GALNT1: variants seen among roughly 807,000 people sequenced by gnomAD.
GALNT1 encodes the protein polypeptide N-acetylgalactosaminyltransferase 1.
Under a neutral mutation model 65.7 loss-of-function variants are expected in GALNT1, and 17 were observed. The ratio of observed to expected loss-of-function variants is 0.26; its 90% confidence interval spans 0.18 to 0.39. The LOEUF (loss-of-function observed/expected upper bound fraction) is 0.39, where lower values mean the gene tolerates loss of function less well. Among genes scored for constraint, GALNT1 ranks in the 10% least tolerant of loss-of-function variants. The pLI is 1.00. For synonymous variants in GALNT1, 210 were observed against 219.7 expected, an observed-to-expected ratio of 0.96 and a Z score of 0.39; for missense variants, 460 against 672.8, an observed-to-expected ratio of 0.68 and a Z score of 3.50.
chr18:35,626,592 A>G (rs1273547933), intron 1 of GALNT1, among the ~76,000 whole-genome samples: 2 of 152,232 alleles, frequency 1.3e-5, no homozygotes, highest in East Asian at 3.8e-4. Flanking sequence ...CTGTAGTAGC[A>G]GAATACCCAG....
chr18:35,586,018 A>G (rs2143829356), intron 1 of GALNT1, among the ~76,000 whole-genome samples: 1 of 152,202 alleles, frequency 6.6e-6, no homozygotes, highest in South Asian at 2.1e-4. Context: ...TGGCAGTTGC[A>G]TGTTTAGTTT....
intron 1 of GALNT1, among the ~76,000 whole-genome samples, chr18:35,640,510 A>C (rs572801921): frequency 6.6e-6 from 1 of 152,246 alleles, no homozygotes; most frequent in Admixed American, 6.5e-5. Flanking sequence ...GAAAGATAGC[A>C]GATCTCTCCA....
Position 35,692,303 on chromosome 18 carries a change from T to C in GALNT1, c.1282T>C (p.Tyr428His). Residue 428 changes from tyrosine (Y) to histidine (H), a missense_variant, in exon 9 of 12, where the codon TAT (tyrosine) becomes CAT (histidine). Transcript: ENST00000269195. Reference sequence around the variant, plus strand: ...TCCTGATTCTCAAATTCCACGTCACTATTTCTCATTGGGAGAGGTAAGAAA... The same window carrying C: ...TCCTGATTCTCAAATTCCACGTCACCATTTCTCATTGGGAGAGGTAAGAAA... ...IYPDSQIPRH[Y>H]FSLGEIRNVE... is the part of the protein sequence containing the mutation. The C allele has an allele frequency of 1.3e-6, 2 of 1,577,738 alleles. No homozygotes were observed. The highest frequency in any genetic ancestry group is 1.1e-5 in the South Asian group (1 of 89,136).
chr18:35,627,002 A>G (rs2046927108), intron 1 of GALNT1, among the ~76,000 whole-genome samples: 1 of 152,234 alleles, frequency 6.6e-6, no homozygotes, highest in Non-Finnish European at 1.5e-5. Context: ...CCAGTCAGGA[A>G]TAGGTGGCCT....
rs77904205 is a variant in GALNT1, at chr18:35,664,950, G to C, written c.314+1148G>C. Reference sequence around the variant, plus strand: ...CTGATAGTATATGAATGAAAAGTATGTGCTGAATTTCCAACAAATTGCACT... The same window carrying C: ...CTGATAGTATATGAATGAAAAGTATCTGCTGAATTTCCAACAAATTGCACT... On this transcript the variant is annotated intron_variant, in intron 3 of 11. Coordinates refer to ENST00000269195, the MANE Select transcript of GALNT1 (RefSeq NM_020474.4). 2.7e-3 allele frequency among the ~76,000 whole-genome samples: 416 copies of C among 152,322 alleles called. 2 individuals carry two copies. The highest frequency in any genetic ancestry group is 4.3e-3 in the Non-Finnish European group (290 of 68,030).
Position 35,692,334 on chromosome 18 carries a change from A to G in GALNT1, c.1299+14A>G. The G allele has an allele frequency of 6.8e-7, 1 of 1,462,046 alleles. No homozygotes were observed. Among genetic ancestry groups the G allele is most frequent in the Non-Finnish European group, 9.3e-7 (1 of 1,077,938 alleles). 90.6% of individuals were successfully genotyped at this position (1,462,046 alleles called of 1,614,324 possible). ...TCATTGGGAGAGGTAAGAAATATAT[A>G]TATATATATTCTATGTGGTTATTAT... On this transcript the variant is annotated intron_variant, in intron 9 of 11. Coordinates refer to ENST00000269195, the MANE Select transcript of GALNT1 (RefSeq NM_020474.4).
intron 1 of GALNT1, among the ~76,000 whole-genome samples, chr18:35,619,451 T>G (rs2046824592): frequency 6.6e-6 from 1 of 152,082 alleles, no homozygotes; most frequent in Admixed American, 6.6e-5. Context: ...TCCTTTGAGA[T>G]TTTTTTTCTT....
chr18:35,695,096 A>G (rs1217790214), intron 9 of GALNT1, among the ~76,000 whole-genome samples: 2 of 152,224 alleles, frequency 1.3e-5, no homozygotes, highest in Admixed American at 6.5e-5. Flanking sequence ...TTGTTTCACA[A>G]CAGCCTGAAT....
At chr18:35,609,053 A>C (rs1375643183) in intron 1 of GALNT1, among the ~76,000 whole-genome samples, 8 of 152,224 alleles carry the variant, frequency 5.3e-5, no homozygotes. Context: ...TTCTCATTAC[A>C]AACCCAGTTT....
rs571271623 is a variant in GALNT1, at chr18:35,630,512, A to G, written c.-103-24048A>G. 3.6e-4 allele frequency among the ~76,000 whole-genome samples: 55 copies of G among 152,358 alleles called. 1 individual carries two copies. In the East Asian group the frequency reaches 8.5e-3, roughly 24 times the overall value. Reference sequence around the variant, plus strand: ...GATGTTCTTTGAAACCAGCAAGAACAAAGACACAACATACCAGAATCTCTG... The same window carrying G: ...GATGTTCTTTGAAACCAGCAAGAACGAAGACACAACATACCAGAATCTCTG... On this transcript the variant is annotated intron_variant, in intron 1 of 11. Transcript: ENST00000269195.
chr18:35,612,865 CAA>C (rs200935763), intron 1 of GALNT1, among the ~76,000 whole-genome samples: 14,361 of 138,870 alleles, frequency 0.1, 820 homozygotes, highest in African/African-American at 0.18. Context: ...AACTCTGTCT[CAA>C]AAAAAAAAAA....
Position 35,623,947 on chromosome 18 carries a change from G to A in GALNT1, c.-103-30613G>A, listed in dbSNP as rs192362890. Among the ~76,000 whole-genome samples, 161 of 152,018 alleles carry A rather than the reference G, an allele frequency of 1.1e-3. 1 individual carries two copies. Among genetic ancestry groups the A allele is most frequent in the African/African-American group, 3.7e-3 (155 of 41,458 alleles). On this transcript the variant is annotated intron_variant, in intron 1 of 11. Transcript: ENST00000269195. ...ACTTTTCTGTTTATTTTCATGTCTCGTAATTTTTTATTGTATACTGGATAT... is the reference window on the plus strand; with the variant it reads ...ACTTTTCTGTTTATTTTCATGTCTCATAATTTTTTATTGTATACTGGATAT...
chr18:35,643,066 G>A (rs1173396441), intron 1 of GALNT1, among the ~76,000 whole-genome samples: 2 of 152,128 alleles, frequency 1.3e-5, no homozygotes, highest in African/African-American at 4.8e-5. Context: ...ACTGTGGCCA[G>A]GCAACTGGAT....
In GALNT1 at chr18:35,687,173, A is replaced by G. The variant is rs748798401; in HGVS notation, c.847A>G (p.Thr283Ala). Reference sequence around the variant, plus strand: ...AATGGACAGAAGGAAAGGTGATCGGACTCTTCCTGTCAGGTAATTAATTTG... The same window carrying G: ...AATGGACAGAAGGAAAGGTGATCGGGCTCTTCCTGTCAGGTAATTAATTTG... ...REMDRRKGDR[T>A]LPVRTPTMAG... Residue 283 changes from threonine to alanine, a missense_variant, in exon 6 of 12, where the codon ACT becomes GCT. Transcript: ENST00000269195. 5 of 1,612,660 alleles carry G rather than the reference A, an allele frequency of 3.1e-6. No individual in the cohort carries two copies. The highest frequency in any genetic ancestry group is 1.7e-5 in the Admixed American group (1 of 59,792).
intron 4 of GALNT1, 51 bp downstream of exon 4, chr18:35,677,808 C>A: frequency 7.5e-7 from 1 of 1,334,144 alleles, no homozygotes; most frequent in Non-Finnish European, 1.0e-6. Flanking sequence ...TTGTCACTAA[C>A]GGTTAAAACT....
chr18:35,608,945 T>C (rs1320896625), intron 1 of GALNT1, among the ~76,000 whole-genome samples: 1 of 152,198 alleles, frequency 6.6e-6, no homozygotes, highest in Non-Finnish European at 1.5e-5. Flanking sequence ...TTCTTCCTTA[T>C]TAGTGAACAG....
At chr18:35,583,449 C>A (rs2046347048) in intron 1 of GALNT1, among the ~76,000 whole-genome samples, 1 of 152,186 alleles carries the variant, frequency 6.6e-6, no homozygotes, top group Non-Finnish European at 1.5e-5. Context: ...TATGCAAATA[C>A]TTGTTAAATG....
At position 35,593,061 on chromosome 18, in the gene GALNT1, G is replaced by C. The variant is rs1190631252; in HGVS notation, c.-104+11199G>C. ...GAGGAGTTGCAAGACGTGGGAGGCTGTGGGCAGGGTTCCACGGGAGAAGGA... is the reference window on the plus strand; with the variant it reads ...GAGGAGTTGCAAGACGTGGGAGGCTCTGGGCAGGGTTCCACGGGAGAAGGA... On this transcript the variant is annotated intron_variant, in intron 1 of 11. Coordinates refer to ENST00000269195, the MANE Select transcript of GALNT1 (RefSeq NM_020474.4). 2.0e-5 allele frequency among the ~76,000 whole-genome samples: 3 copies of C among 152,190 alleles called. No individual in the cohort carries two copies. The East Asian group carries it at 5.8e-4, about 29-fold the overall frequency.
intron 4 of GALNT1, among the ~76,000 whole-genome samples, chr18:35,678,064 C>T (rs1456442001): frequency 2.6e-5 from 4 of 152,036 alleles, no homozygotes; most frequent in Non-Finnish European, 5.9e-5. Flanking sequence ...TTAGGATTTT[C>T]TCTGTGGGAA....
Sources: gnomAD v4.1 joint callset for allele counts (sites outside exome capture counted in the v4.1 genomes callset) on GRCh38, gnomAD v4.1.1 for gene constraint, MANE v1.5 for transcripts, NCBI Gene and HGNC (gene_info 2026-07-23, HGNC 2026-07-21) for gene names.